Variants in A1CF observed in about 807,000 individuals in gnomAD.
A1CF encodes the protein APOBEC-1 stimulating protein.
A neutral mutation model predicts 68.9 loss-of-function variants in A1CF; 48 were observed. That is an observed-to-expected ratio of 0.70 (90% CI 0.55 to 0.89). A1CF has a LOEUF of 0.89. Among genes scored for constraint, A1CF ranks in the 40% least tolerant of loss-of-function variants. A1CF has a pLI of 0.00. For missense variants in A1CF, 653 were observed against 718.9 expected (o/e 0.91, Z 1.05); for synonymous variants, 272 against 260.4 (o/e 1.04, Z -0.43).
At chr10:50,862,915 T>C (rs1408472821) in intron 2 of A1CF, 3 of 152,344 alleles carry the variant, frequency 2.0e-5, no homozygotes, top group Admixed American at 6.5e-5. Context: ...TCTACAGTCT[T>C]CTGGCCAAGT....
intron 6 of A1CF, among the ~76,000 whole-genome samples, chr10:50,835,805 CTCTT>C (rs141875877): frequency 0.016 from 2,512 of 152,248 alleles, 54 homozygotes; most frequent in African/African-American, 0.056. Context: ...TTTAAGAAGA[CTCTT>C]TATTCATCAA....
At chr10:50,827,415 G>C (rs1387683073) in intron 7 of A1CF, among the ~76,000 whole-genome samples, 2 of 152,074 alleles carry the variant, frequency 1.3e-5, no homozygotes, top group Non-Finnish European at 1.5e-5. Flanking sequence ...TAAAAGAACA[G>C]AAATTATAAC....
At chr10:50,875,918 T>C (rs1396369682) in intron 1 of A1CF, among the ~76,000 whole-genome samples, 1 of 152,234 alleles carries the variant, frequency 6.6e-6, no homozygotes, top group African/African-American at 2.4e-5. Flanking sequence ...TAACCTGACA[T>C]TCAGTGCCTG....
chr10:50,826,176 T>C (rs1380392532), intron 7 of A1CF, among the ~76,000 whole-genome samples: 3 of 151,992 alleles, frequency 2.0e-5, no homozygotes, highest in Non-Finnish European at 4.4e-5. Context: ...GAGGAAACAA[T>C]AAGAGGGGAA....
intron 3 of A1CF, among the ~76,000 whole-genome samples, chr10:50,852,222 A>G (rs1460297658): frequency 9.9e-5 from 15 of 152,204 alleles, no homozygotes; most frequent in Non-Finnish European, 2.2e-4. Context: ...TCTTATATCA[A>G]ACACTTCATA....
intron 3 of A1CF, among the ~76,000 whole-genome samples, chr10:50,849,018 A>AT (rs1361231124): frequency 6.6e-6 from 1 of 152,188 alleles, no homozygotes; most frequent in Non-Finnish European, 1.5e-5. Context: ...GTGAAATTGA[A>AT]TAAAAGTATT....
intron 3 of A1CF, among the ~76,000 whole-genome samples, chr10:50,850,313 G>A (rs545249444): frequency 6.6e-6 from 1 of 152,256 alleles, no homozygotes; most frequent in African/African-American, 2.4e-5. Flanking sequence ...AGTAATTTAT[G>A]TTTTCAAGTT....
At chr10:50,872,035 T>C (rs970246828) in intron 1 of A1CF, among the ~76,000 whole-genome samples, 6 of 152,056 alleles carry the variant, frequency 3.9e-5, no homozygotes, top group African/African-American at 1.4e-4. Flanking sequence ...ATCTGTAATA[T>C]ACAGATTACT....
rs547003448 is a variant in A1CF at position 50,802,424 on chromosome 10, C to G, written c.*4305G>C. 1.3e-5 allele frequency: 2 copies of G among 152,096 alleles called. No individual in the cohort carries two copies. Among genetic ancestry groups the G allele is most frequent in the Non-Finnish European group, 2.9e-5 (2 of 67,996 alleles). The allele number at this position is 152,096 out of a possible 1,614,324, so 9.4% of individuals were successfully genotyped here. A position where few individuals can be genotyped will look rare whatever the true frequency, so the allele number is the denominator to read the frequency against. On this transcript the variant is annotated 3_prime_UTR_variant, in exon 13 of 13. Transcript: ENST00000373997. ...TCTTAAGTTATCCTATTAACATTTT[C>G]TTTTTAAAAATATTTATCCAAAGTT...
rs1239129457 is a variant in A1CF at position 50,799,793 on chromosome 10, G to T, written c.*6936C>A. The T allele has an allele frequency of 6.6e-6, 1 of 152,140 alleles. No individual in the cohort carries two copies. Among genetic ancestry groups the T allele is most frequent in the African/African-American group, 2.4e-5 (1 of 41,456 alleles). 9.4% of individuals were successfully genotyped at this position (152,140 alleles called of 1,614,324 possible). A position where few individuals can be genotyped will look rare whatever the true frequency, so the allele number is the denominator to read the frequency against. On this transcript the variant is annotated 3_prime_UTR_variant, in exon 13 of 13. Transcript: ENST00000373997. ...CATCTGGAAACTATAAATGCATTTT[G>T]CTGACAGCTTGCTTTTCATTAAGAT... is the stretch of plus-strand genomic sequence containing the variant.
intron 3 of A1CF, among the ~76,000 whole-genome samples, chr10:50,854,844 A>C (rs942362219): frequency 6.6e-5 from 10 of 152,114 alleles, no homozygotes; most frequent in Admixed American, 6.6e-4. Flanking sequence ...AAGCAAGGGG[A>C]CTATCACACC....
chr10:50,811,595 T>C (rs1019032331), intron 10 of A1CF, among the ~76,000 whole-genome samples: 3 of 152,216 alleles, frequency 2.0e-5, no homozygotes, highest in African/African-American at 7.2e-5. Context: ...AATATATTTT[T>C]ATTTCGTGAC....
At chr10:50,815,064 C>T (rs1588969168) in intron 9 of A1CF, among the ~76,000 whole-genome samples, 1 of 152,058 alleles carries the variant, frequency 6.6e-6, no homozygotes, top group Non-Finnish European at 1.5e-5. Context: ...TAATTGTTTC[C>T]ACAGTAATCT....
intron 3 of A1CF, 68 bp from the exon 4 acceptor site, chr10:50,844,190 T>C (rs2132461885): frequency 6.4e-7 from 1 of 1,571,670 alleles, no homozygotes. Context: ...TTTCCCTGAG[T>C]ATTTTTCAAA....
chr10:50,814,961 A>ACCCT (rs1320761011), intron 9 of A1CF, among the ~76,000 whole-genome samples: 1 of 152,214 alleles, frequency 6.6e-6, no homozygotes, highest in African/African-American at 2.4e-5. Context: ...TGGGGCAAGT[A>ACCCT]ATTATGAGTA....
In A1CF at chr10:50,802,267, T is replaced by C. The variant is rs570653825; in HGVS notation, c.*4462A>G. ...AGTAAAATTCAGAGCATTTTCAAGA[T>C]ATTATTTGGGCAAACTAAAATTTCA... On this transcript the variant is annotated 3_prime_UTR_variant, in exon 13 of 13. Coordinates refer to ENST00000373997, the MANE Select transcript of A1CF (RefSeq NM_014576.4). 7 of 152,188 alleles carry C rather than the reference T, an allele frequency of 4.6e-5. No individual in the cohort carries two copies. Among genetic ancestry groups the C allele is most frequent in the Non-Finnish European group, 8.8e-5 (6 of 68,022 alleles). 9.4% of individuals were successfully genotyped at this position (152,188 alleles called of 1,614,324 possible).
At chr10:50,872,119 G>T (rs1589045707) in intron 1 of A1CF, among the ~76,000 whole-genome samples, 1 of 150,484 alleles carries the variant, frequency 6.6e-6, no homozygotes, top group East Asian at 1.9e-4. Flanking sequence ...AATCAAAATA[G>T]CTTATAAACA....
chr10:50,817,488 T>C (rs996503499), intron 8 of A1CF, among the ~76,000 whole-genome samples: 2 of 152,168 alleles, frequency 1.3e-5, no homozygotes, highest in African/African-American at 4.8e-5. Flanking sequence ...CCTTACTTTT[T>C]AGTAGCAGGA....
At chr10:50,837,880 G>A (rs142435237) in intron 5 of A1CF, among the ~76,000 whole-genome samples, 3 of 152,140 alleles carry the variant, frequency 2.0e-5, no homozygotes, top group African/African-American at 7.2e-5. Flanking sequence ...GCTTTAAAAG[G>A]CTATAAAATA....
Sources: allele counts gnomAD v4.1 joint callset (sites outside exome capture counted in the v4.1 genomes callset), GRCh38; gene constraint gnomAD v4.1.1; transcripts MANE v1.5; gene names NCBI Gene and HGNC (gene_info 2026-07-23, HGNC 2026-07-21).